The following ITGA4 variants were observed in gnomAD, a reference collection of about 807,000 sequenced individuals.
The protein encoded by ITGA4 is integrin subunit alpha 4.
A neutral mutation model predicts 133.6 loss-of-function variants in ITGA4; 63 were observed. The observed-to-expected ratio is 0.47, with a 90% CI of 0.38 to 0.58. ITGA4 has a LOEUF of 0.58. Among genes scored for constraint, ITGA4 ranks in the 20% least tolerant of loss-of-function variants. The pLI is 0.00. For synonymous variants in ITGA4, 483 were observed against 438.0 expected (o/e 1.10, Z -1.28); for missense variants, 1,076 against 1,252.7 (o/e 0.86, Z 2.13).
At chr2:181,461,155 C>T (rs542335316) in intron 2 of ITGA4, among the ~76,000 whole-genome samples, 1 of 148,792 alleles carries the variant, frequency 6.7e-6, no homozygotes, top group South Asian at 2.2e-4. Context: ...ACAAGGTGTC[C>T]CATATGGTAT....
intron 6 of ITGA4, among the ~76,000 whole-genome samples, chr2:181,480,840 T>C (rs1685784661): frequency 6.6e-6 from 1 of 152,154 alleles, no homozygotes; most frequent in South Asian, 2.1e-4. Context: ...TCCTCCTCAC[T>C]GTCATCTCAT....
Position 181,478,789 on chromosome 2 carries a change from T to G in ITGA4, c.589T>G (p.Ser197Ala), listed in dbSNP as rs1257625499. Reference sequence around the variant, plus strand: ...GAAAAAATTTGGAGAAAATTTTGCATCATGTCAAGCTGGAATATCCAGTTT... The same window carrying G: ...GAAAAAATTTGGAGAAAATTTTGCAGCATGTCAAGCTGGAATATCCAGTTT... Reference protein sequence around the residue: ...YVKKFGENFASCQAGISSFYT... With the variant: ...YVKKFGENFAACQAGISSFYT... Residue 197 changes from serine (S) to alanine (A), a missense_variant, in exon 5 of 28, where the codon TCA becomes GCA. Physicochemically the swap from Ser to Ala is moderately conservative, Grantham distance 99. Coordinates refer to ENST00000397033, the MANE Select transcript of ITGA4 (RefSeq NM_000885.6). The G allele has an allele frequency of 6.7e-7, 1 of 1,495,282 alleles. No homozygotes were observed. Among genetic ancestry groups the G allele is most frequent in the African/African-American group, 1.4e-5 (1 of 71,650 alleles). 92.6% of individuals were successfully genotyped at this position (1,495,282 alleles called of 1,614,324 possible).
At position 181,531,252 on chromosome 2, in the gene ITGA4, T is replaced by C. The variant is rs184420652; in HGVS notation, c.2665-405T>C. ...CCTGGGCAGCCTTTGTGGCATGGGT[T>C]AATTTTCATTCTTTTCAGCTTAGTG... On this transcript the variant is annotated intron_variant, in intron 24 of 27. Transcript: ENST00000397033. Among the ~76,000 whole-genome samples the C allele has an allele frequency of 2.8e-3, 431 of 152,336 alleles. 3 individuals are homozygous for C. Among genetic ancestry groups the C allele is most frequent in the African/African-American group, 9.7e-3 (404 of 41,572 alleles).
intron 11 of ITGA4, among the ~76,000 whole-genome samples, chr2:181,493,780 G>A (rs1193048537): frequency 6.6e-6 from 1 of 152,120 alleles, no homozygotes; most frequent in Non-Finnish European, 1.5e-5. Flanking sequence ...CCCATATTTT[G>A]TGAAGATTGC....
rs541317487 is a variant in ITGA4, at chr2:181,505,789, A to T, written c.1696-3869A>T. On this transcript the variant is annotated intron_variant, in intron 15 of 27. Coordinates refer to ENST00000397033, the MANE Select transcript of ITGA4 (RefSeq NM_000885.6). Reference sequence around the variant, plus strand: ...TGTAGAGAAGACCTTGTGGAAAATTAGTATGAATTAGATAGCATGTGATTT... The same window carrying T: ...TGTAGAGAAGACCTTGTGGAAAATTTGTATGAATTAGATAGCATGTGATTT... Among the ~76,000 whole-genome samples the T allele has an allele frequency of 1.7e-4, 26 of 152,274 alleles. No homozygotes were observed. In the East Asian group the frequency reaches 4.4e-3, roughly 26 times the overall value.
At chr2:181,510,800 T>G (rs1686491396) in intron 16 of ITGA4, among the ~76,000 whole-genome samples, 1 of 152,084 alleles carries the variant, frequency 6.6e-6, no homozygotes, top group South Asian at 2.1e-4. Flanking sequence ...TGTAAATGTC[T>G]TTAATAGTGA....
In ITGA4 at chr2:181,538,233, C is replaced by T. The variant is rs1687294335; in HGVS notation, c.*2706C>T. 1 of 1,582,914 alleles carries T rather than the reference C, an allele frequency of 6.3e-7. No homozygotes were observed. Among genetic ancestry groups the T allele is most frequent in the South Asian group, 1.1e-5 (1 of 90,316 alleles). On this transcript the variant is annotated 3_prime_UTR_variant, in exon 28 of 28. Transcript: ENST00000397033. ...GCTTCCTCCATAAAGACTGATAAGT[C>T]TTGGATGCAATCTGTAAAGAAAATA...
intron 2 of ITGA4, among the ~76,000 whole-genome samples, chr2:181,463,755 C>T (rs1685343678): frequency 6.6e-6 from 1 of 152,048 alleles, no homozygotes; most frequent in Admixed American, 6.6e-5. Flanking sequence ...GTGTGGTAGA[C>T]AGTAGAGAGG....
intron 5 of ITGA4, chr2:181,479,281 C>A (rs1337580348): frequency 6.6e-6 from 1 of 151,960 alleles, no homozygotes; most frequent in Non-Finnish European, 1.5e-5. Context: ...CCCAAGATTT[C>A]TTACTCTCTT....
chr2:181,476,952 A>AC (rs1279973092), intron 4 of ITGA4, among the ~76,000 whole-genome samples: 2 of 152,104 alleles, frequency 1.3e-5, no homozygotes, highest in African/African-American at 4.8e-5. Flanking sequence ...CAAAGTAGGC[A>AC]CAAACACTAG....
intron 10 of ITGA4, among the ~76,000 whole-genome samples, chr2:181,487,661 ATAAG>A (rs2105738192): frequency 6.6e-6 from 1 of 152,364 alleles, no homozygotes; most frequent in Non-Finnish European, 1.5e-5. Context: ...GTTACATCTC[ATAAG>A]TAACCAGCAA....
intron 17 of ITGA4, among the ~76,000 whole-genome samples, chr2:181,513,234 T>A (rs1686540587): frequency 6.6e-6 from 1 of 152,028 alleles, no homozygotes; most frequent in South Asian, 2.1e-4. Flanking sequence ...TCAACTGGCA[T>A]GCCTACACTG....
chr2:181,499,788 A>C (rs1686232507), intron 15 of ITGA4, among the ~76,000 whole-genome samples: 3 of 152,188 alleles, frequency 2.0e-5, no homozygotes, highest in Non-Finnish European at 4.4e-5. Flanking sequence ...TTCATGCTTC[A>C]TAGATGTCGT....
Position 181,523,656 on chromosome 2 carries a change from G to A in ITGA4, c.2169+124G>A. ...AGCTTGGGGTAGGTAGCTGAGTGAT[G>A]AAATAAAACTGGTTCTTGAAATCTT... On this transcript the variant is annotated intron_variant, in intron 19 of 27. Coordinates refer to ENST00000397033, the MANE Select transcript of ITGA4 (RefSeq NM_000885.6). The surrounding 1 kb of genome is among the most constrained non-coding windows in gnomAD (Gnocchi z 4.2). 1.7e-6 allele frequency: 1 copy of A among 573,550 alleles called. No individual in the cohort carries two copies. The highest frequency in any genetic ancestry group is 3.1e-6 in the Non-Finnish European group (1 of 321,690). 35.5% of individuals were successfully genotyped at this position (573,550 alleles called of 1,614,324 possible).
intron 15 of ITGA4, among the ~76,000 whole-genome samples, chr2:181,499,841 T>A (rs1423141538): frequency 3.3e-5 from 5 of 152,180 alleles, no homozygotes; most frequent in Non-Finnish European, 7.3e-5. Flanking sequence ...ATTGAAATCA[T>A]TTTAAAGGCA....
intron 9 of ITGA4, among the ~76,000 whole-genome samples, chr2:181,485,112 C>G (rs1172934145): frequency 1.3e-5 from 2 of 152,206 alleles, no homozygotes; most frequent in Non-Finnish European, 2.9e-5. Context: ...TGCTCCACTG[C>G]TGCTGGTTCC....
intron 22 of ITGA4, among the ~76,000 whole-genome samples, chr2:181,528,617 T>A (rs1431662081): frequency 6.6e-6 from 1 of 152,232 alleles, no homozygotes; most frequent in Non-Finnish European, 1.5e-5. Context: ...CACTGCTAGG[T>A]ATCTGTTGCT....
chr2:181,529,950 A>G (rs1349608552), intron 23 of ITGA4, among the ~76,000 whole-genome samples: 1 of 152,208 alleles, frequency 6.6e-6, no homozygotes, highest in African/African-American at 2.4e-5. Context: ...GGACCTATAG[A>G]GGTAACTTCT....
chr2:181,496,086 A>G (rs1241782282), intron 14 of ITGA4, 149 bp downstream of exon 14: 4 of 747,112 alleles, frequency 5.4e-6, no homozygotes, highest in Non-Finnish European at 8.8e-6. Context: ...TTTCCTCTCC[A>G]TCTTCCAGAT....
Sources: allele counts gnomAD v4.1 joint callset (sites outside exome capture counted in the v4.1 genomes callset), GRCh38; gene constraint gnomAD v4.1.1; non-coding constraint Gnocchi (gnomAD v3.1); transcripts MANE v1.5; gene names NCBI Gene and HGNC (gene_info 2026-07-23, HGNC 2026-07-21).